NTN1: variants seen among roughly 807,000 people sequenced by gnomAD.
NTN1 encodes netrin-1.
A neutral mutation model predicts 54.2 loss-of-function variants in NTN1; 11 were observed. The ratio of observed to expected loss-of-function variants is 0.20; its 90% CI spans 0.13 to 0.34. The LOEUF (loss-of-function observed/expected upper bound fraction) is 0.34, where lower values mean the gene tolerates loss of function less well. Among genes scored for constraint, NTN1 ranks in the 10% least tolerant of loss-of-function variants. The pLI, the probability that NTN1 is intolerant of heterozygous loss-of-function variation, is 1.00. For synonymous variants in NTN1, 371 were observed against 382.0 expected, an observed-to-expected ratio of 0.97 and a Z score of 0.33; for missense variants, 740 against 893.1, an observed-to-expected ratio of 0.83 and a Z score of 2.18.
At chr17:9,159,319 A>ACACACACAG (rs2092351258) in intron 2 of NTN1, among the ~76,000 whole-genome samples, 1 of 152,214 alleles carries the variant, frequency 6.6e-6, no homozygotes, top group Admixed American at 6.5e-5. Flanking sequence ...GCAAATTAAA[A>ACACACACAG]TCGTCTGTGT....
chr17:9,115,679 C>T (rs2092209211), intron 2 of NTN1, among the ~76,000 whole-genome samples: 1 of 152,278 alleles, frequency 6.6e-6, no homozygotes, highest in African/African-American at 2.4e-5. Context: ...TCCTTCCCCC[C>T]CGGGGCGGGG....
intron 2 of NTN1, among the ~76,000 whole-genome samples, chr17:9,064,671 C>T (rs550623942): frequency 5.3e-5 from 8 of 152,314 alleles, no homozygotes; most frequent in East Asian, 1.9e-4. Context: ...TTCACACTGC[C>T]GAGTCACCAT....
intron 2 of NTN1, among the ~76,000 whole-genome samples, chr17:9,041,992 G>A (rs925263646): frequency 2.7e-5 from 4 of 150,304 alleles, no homozygotes; most frequent in Non-Finnish European, 5.9e-5. Flanking sequence ...CTGGGCGACA[G>A]AGTGGGACTC....
chr17:9,182,486 G>A (rs138691391), intron 4 of NTN1, among the ~76,000 whole-genome samples: 11 of 152,330 alleles, frequency 7.2e-5, no homozygotes, highest in African/African-American at 2.6e-4. Context: ...CCAGCCCCTT[G>A]CGTGCTATCC....
intron 2 of NTN1, among the ~76,000 whole-genome samples, chr17:9,133,913 T>A (rs1391226177): frequency 7.6e-6 from 1 of 131,766 alleles, no homozygotes; most frequent in Non-Finnish European, 1.6e-5. Context: ...TTTTTTTTTT[T>A]TTTTTTTTTG....
At chr17:9,136,598 GAA>G (rs905327262) in intron 2 of NTN1, among the ~76,000 whole-genome samples, 4 of 151,642 alleles carry the variant, frequency 2.6e-5, no homozygotes, top group African/African-American at 9.7e-5. Flanking sequence ...AACAAAAAAA[GAA>G]AAAAAAGAAA....
intron 6 of NTN1, among the ~76,000 whole-genome samples, chr17:9,229,882 T>C (rs908103290): frequency 3.3e-5 from 5 of 152,078 alleles, no homozygotes; most frequent in African/African-American, 9.7e-5. Context: ...CGTAGCTCAC[T>C]ATGGAGCTGA....
intron 2 of NTN1, among the ~76,000 whole-genome samples, chr17:9,068,953 C>A (rs1291956986): frequency 3.3e-5 from 5 of 152,158 alleles, no homozygotes; most frequent in Non-Finnish European, 7.4e-5. Context: ...GCAGTACAGA[C>A]TGACCCACGG....
intron 2 of NTN1, among the ~76,000 whole-genome samples, chr17:9,066,073 GT>G: frequency 6.6e-6 from 1 of 152,282 alleles, no homozygotes; most frequent in Non-Finnish European, 1.5e-5. Context: ...TAAAAATATA[GT>G]TAAATGCAAT....
At chr17:9,021,993 C>T (rs2091850371) in intron 1 of NTN1, among the ~76,000 whole-genome samples, 1 of 152,108 alleles carries the variant, frequency 6.6e-6, no homozygotes, top group Non-Finnish European at 1.5e-5. Flanking sequence ...CTCTCCTGCG[C>T]CCGAAACTTG....
chr17:9,067,872 C>T (rs757888790), intron 2 of NTN1, among the ~76,000 whole-genome samples: 2 of 152,154 alleles, frequency 1.3e-5, no homozygotes, highest in East Asian at 3.9e-4. Context: ...GTGCTAGAAG[C>T]CTCTGGTGCA....
In NTN1 at chr17:9,165,312, G is replaced by A. The variant is rs1396712247; in HGVS notation, c.1207+2311G>A. Among the ~76,000 whole-genome samples, 1 of 152,202 alleles carries A rather than the reference G, an allele frequency of 6.6e-6. No individual in the cohort carries two copies. Among genetic ancestry groups the A allele is most frequent in the African/African-American group, 2.4e-5 (1 of 41,452 alleles). ...GCCATTTGCAGCCTCTCACCACTCA[G>A]AGTGAGAGACGTCAGGAAGCCACAG... On this transcript the variant is annotated intron_variant, in intron 3 of 6. Transcript: ENST00000173229. The surrounding 1 kb of genome is among the most constrained non-coding windows in gnomAD (Gnocchi z 4.5).
Position 9,114,998 on chromosome 17 carries a change from C to T in NTN1, c.1019-47815C>T, listed in dbSNP as rs2092206020. Among the ~76,000 whole-genome samples, 3 of 152,118 alleles carry T rather than the reference C, an allele frequency of 2.0e-5. No homozygotes were observed. In the South Asian group the frequency reaches 6.2e-4, roughly 32 times the overall value. ...GAGGCTTCTGTGAGAGAAGATGCTA[C>T]CTGCATTTTTCTTGGGTGGATGAGT... On this transcript the variant is annotated intron_variant, in intron 2 of 6. Coordinates refer to ENST00000173229, the MANE Select transcript of NTN1 (RefSeq NM_004822.3).
chr17:9,032,849 A>T, intron 2 of NTN1, among the ~76,000 whole-genome samples: 1 of 150,434 alleles, frequency 6.6e-6, no homozygotes, highest in Non-Finnish European at 1.5e-5. Flanking sequence ...GCCCTGTTTC[A>T]CTCTATGGCT....
chr17:9,220,980 G>A (rs1337262739), intron 5 of NTN1, among the ~76,000 whole-genome samples, 188 bp from the exon 6 acceptor site: 1 of 151,690 alleles, frequency 6.6e-6, no homozygotes, highest in African/African-American at 2.4e-5. Context: ...TCGGACGGGG[G>A]CCCTTTGTCC....
At chr17:9,049,799 T>G (rs1194095815) in intron 2 of NTN1, among the ~76,000 whole-genome samples, 1 of 152,164 alleles carries the variant, frequency 6.6e-6, no homozygotes, top group Non-Finnish European at 1.5e-5. Flanking sequence ...GATTAGGTAA[T>G]AGTATTGCAC....
intron 2 of NTN1, among the ~76,000 whole-genome samples, chr17:9,049,162 A>G (rs983628448): frequency 6.6e-6 from 1 of 152,244 alleles, no homozygotes; most frequent in African/African-American, 2.4e-5. Context: ...AATGGTGAAA[A>G]TAGAAAATCA....
At chr17:9,193,698 G>A (rs1904529649) in intron 5 of NTN1, among the ~76,000 whole-genome samples, 1 of 149,992 alleles carries the variant, frequency 6.7e-6, no homozygotes, top group South Asian at 2.1e-4. Context: ...TGAGGCAGGT[G>A]GATCACCTGA....
At chr17:9,045,356 T>C (rs1257126667) in intron 2 of NTN1, among the ~76,000 whole-genome samples, 1 of 152,154 alleles carries the variant, frequency 6.6e-6, no homozygotes, top group Non-Finnish European at 1.5e-5. Context: ...CCTCCCGTCA[T>C]GAAATATGAC....
Sources: gnomAD v4.1 joint callset for allele counts (sites outside exome capture counted in the v4.1 genomes callset) on GRCh38, gnomAD v4.1.1 for gene constraint, Gnocchi (gnomAD v3.1) non-coding constraint, MANE v1.5 for transcripts, NCBI Gene and HGNC (gene_info 2026-07-23, HGNC 2026-07-21) for gene names.